Variants in CFAP61 observed in about 807,000 individuals in gnomAD.
The protein encoded by CFAP61 is cilia and flagella associated protein 61.
In CFAP61, 107 loss-of-function variants were observed where a neutral mutation model predicts 135.6. The observed-to-expected ratio is 0.79, with a 90% CI of 0.67 to 0.93. The LOEUF (loss-of-function observed/expected upper bound fraction) is 0.93. CFAP61 is among the 40% of genes least tolerant of loss of function. CFAP61 has a pLI of 0.00. For missense variants in CFAP61, 1,507 were observed against 1,556.2 expected, an observed-to-expected ratio of 0.97 and a Z score of 0.53; for synonymous variants, 575 against 578.5, an observed-to-expected ratio of 0.99 and a Z score of 0.09.
At chr20:20,126,758 A>G (rs2050095905) in intron 8 of CFAP61, among the ~76,000 whole-genome samples, 2 of 151,964 alleles carry the variant, frequency 1.3e-5, no homozygotes, top group South Asian at 4.1e-4. Context: ...TTGGATGTCC[A>G]GGTCTCTAGC....
chr20:20,272,922 C>T (rs566660052), intron 21 of CFAP61, among the ~76,000 whole-genome samples: 1 of 152,274 alleles, frequency 6.6e-6, no homozygotes, highest in East Asian at 1.9e-4. Flanking sequence ...CCTGGTCATC[C>T]AACGTCACGT....
intron 13 of CFAP61, among the ~76,000 whole-genome samples, chr20:20,186,049 C>G (rs113132570): frequency 1.2e-4 from 18 of 152,104 alleles, no homozygotes; most frequent in African/African-American, 3.9e-4. Context: ...TACAATTTGT[C>G]CACTTCAAGT....
chr20:20,101,605 T>C (rs1300847563), intron 8 of CFAP61, among the ~76,000 whole-genome samples: 1 of 150,704 alleles, frequency 6.6e-6, no homozygotes, highest in Admixed American at 6.7e-5. Flanking sequence ...TTTTTTCACT[T>C]TATTTTTATT....
At chr20:20,352,514 G>C (rs544571966) in intron 26 of CFAP61, among the ~76,000 whole-genome samples, 16 of 152,312 alleles carry the variant, frequency 1.1e-4, no homozygotes, top group African/African-American at 3.8e-4. Context: ...ACAGGATAGA[G>C]AGTCATAAAT....
intron 25 of CFAP61, among the ~76,000 whole-genome samples, chr20:20,315,565 G>T (rs2057080586): frequency 6.6e-6 from 1 of 151,486 alleles, no homozygotes; most frequent in African/African-American, 2.4e-5. Flanking sequence ...GTCAATTTTG[G>T]CTTTTGTTGC....
chr20:20,275,097 T>A (rs1360796923), intron 21 of CFAP61, among the ~76,000 whole-genome samples: 2 of 152,210 alleles, frequency 1.3e-5, no homozygotes, highest in Admixed American at 6.5e-5. Context: ...AGGCTTGACA[T>A]GTGCCTGGGC....
At chr20:20,339,159 A>C (rs555289769) in intron 25 of CFAP61, among the ~76,000 whole-genome samples, 40 of 152,182 alleles carry the variant, frequency 2.6e-4, no homozygotes, top group Non-Finnish European at 4.3e-4. Flanking sequence ...TCTCCTGAAG[A>C]TTTCTAGACG....
At chr20:20,201,643 G>T (rs867603637) in intron 17 of CFAP61, among the ~76,000 whole-genome samples, 1 of 152,206 alleles carries the variant, frequency 6.6e-6, no homozygotes, top group Non-Finnish European at 1.5e-5. Context: ...CAGAGACAGT[G>T]GCTACATGCT....
At chr20:20,073,891 T>G in intron 3 of CFAP61, 1 of 166,090 alleles carries the variant, frequency 6.0e-6, no homozygotes, top group Non-Finnish European at 1.3e-5. Flanking sequence ...TCCTGTCACA[T>G]GAATAGAGCA....
intron 21 of CFAP61, chr20:20,265,688 AC>A: frequency 1.8e-6 from 1 of 563,774 alleles, no homozygotes; most frequent in African/African-American, 1.9e-5. Flanking sequence ...GGTGCTCTTA[AC>A]ACTGAAATGC....
At chr20:20,062,275 G>GTA (rs2044864366) in intron 2 of CFAP61, among the ~76,000 whole-genome samples, 1 of 152,118 alleles carries the variant, frequency 6.6e-6, no homozygotes, top group African/African-American at 2.4e-5. Flanking sequence ...TACCCCTACT[G>GTA]TACCCTGTCT....
chr20:20,053,830 A>G (rs569506002), intron 1 of CFAP61, among the ~76,000 whole-genome samples: 1 of 152,220 alleles, frequency 6.6e-6, no homozygotes, highest in Non-Finnish European at 1.5e-5. Flanking sequence ...CTTTGAAGTG[A>G]TTTTCCTTAA....
chr20:20,357,958 G>A (rs1406721187), intron 26 of CFAP61, among the ~76,000 whole-genome samples: 8 of 128,816 alleles, frequency 6.2e-5, no homozygotes, highest in African/African-American at 2.1e-4. Context: ...ACACTGAGGG[G>A]AGGTGGTCAT....
rs1017683281 is a variant in CFAP61 at position 20,172,391 on chromosome 20, G to A, written c.1385+2931G>A. On this transcript the variant is annotated intron_variant, in intron 13 of 26. Coordinates refer to ENST00000245957, the MANE Select transcript of CFAP61 (RefSeq NM_015585.4). Reference sequence around the variant, plus strand: ...GAATGCAATGGCACAATCATGGCTCGCTGGAGCCTCAACCTCCCAAGCTCA... The same window carrying A: ...GAATGCAATGGCACAATCATGGCTCACTGGAGCCTCAACCTCCCAAGCTCA... The A allele has an allele frequency of 7.2e-5, 40 of 558,624 alleles. No homozygotes were observed. In the East Asian group the frequency reaches 8.2e-4, roughly 12 times the overall value. The allele number at this position is 558,624 out of a possible 1,614,324, so 34.6% of individuals were successfully genotyped here.
intron 17 of CFAP61, chr20:20,200,827 T>TA: frequency 1.0e-6 from 1 of 985,422 alleles, no homozygotes; most frequent in Non-Finnish European, 1.2e-6. Context: ...GAGCCTGTCT[T>TA]ACTTGTGCGT....
intron 18 of CFAP61, among the ~76,000 whole-genome samples, chr20:20,241,489 C>T (rs569748660): frequency 2.7e-4 from 41 of 152,244 alleles, no homozygotes; most frequent in African/African-American, 9.1e-4. Context: ...TAAAAAACTA[C>T]TTTGTTGTTT....
At chr20:20,320,338 T>C (rs1396231659) in intron 25 of CFAP61, among the ~76,000 whole-genome samples, 1 of 100,914 alleles carries the variant, frequency 9.9e-6, no homozygotes, top group Non-Finnish European at 1.9e-5. Context: ...ATATATATTA[T>C]ATATATGTAA....
intron 24 of CFAP61, among the ~76,000 whole-genome samples, chr20:20,296,019 CTTCCTTCTTTCT>C (rs2055425746): frequency 2.3e-5 from 2 of 85,790 alleles, no homozygotes; most frequent in Non-Finnish European, 5.2e-5. Context: ...CCCTCCTTTC[CTTCCTTCTTTCT>C]TTTCTTCCTC....
At chr20:20,070,615 T>C (rs911368820) in intron 2 of CFAP61, among the ~76,000 whole-genome samples, 1 of 152,198 alleles carries the variant, frequency 6.6e-6, no homozygotes. Flanking sequence ...ATACTCAATA[T>C]CATAAATGTA....
Sources: gnomAD v4.1 joint callset for allele counts (sites outside exome capture counted in the v4.1 genomes callset) on GRCh38, gnomAD v4.1.1 for gene constraint, MANE v1.5 for transcripts, NCBI Gene and HGNC (gene_info 2026-07-23, HGNC 2026-07-21) for gene names.